The following VPS13C variants were observed in gnomAD, a reference collection of about 807,000 sequenced individuals.
The protein encoded by VPS13C is intermembrane lipid transfer protein VPS13C.
Under a neutral mutation model 456.8 loss-of-function variants are expected in VPS13C, and 358 were observed. The ratio of observed to expected loss-of-function variants is 0.78; its 90% CI spans 0.72 to 0.86. The LOEUF is 0.86. VPS13C is among the 40% of genes least tolerant of loss of function. The pLI is 0.00. For missense variants in VPS13C, 4,818 were observed against 4,385.4 expected, an observed-to-expected ratio of 1.10 and a Z score of -2.79; for synonymous variants, 1,578 against 1,486.7, an observed-to-expected ratio of 1.06 and a Z score of -1.41.
At chr15:62,057,055 T>G (rs1444711242) in intron 1 of VPS13C, among the ~76,000 whole-genome samples, 2 of 152,100 alleles carry the variant, frequency 1.3e-5, no homozygotes, top group African/African-American at 4.8e-5. Context: ...CAGCTGTCTT[T>G]TCTTTTATCT....
chr15:62,025,892 A>G (rs754954971), intron 6 of VPS13C, among the ~76,000 whole-genome samples: 26 of 151,758 alleles, frequency 1.7e-4, no homozygotes, highest in South Asian at 4.2e-4. Flanking sequence ...GAAAAAAGAC[A>G]TTCATTTAAA....
chr15:61,952,019 C>T (rs763211649), intron 38 of VPS13C, 39 bp from the exon 39 acceptor site: 4 of 1,590,554 alleles, frequency 2.5e-6, no homozygotes, highest in South Asian at 2.3e-5. Context: ...ACTATTTCAC[C>T]AATATGCAAT....
At chr15:62,039,223 T>C (rs1342049892) in intron 3 of VPS13C, among the ~76,000 whole-genome samples, 5 of 152,198 alleles carry the variant, frequency 3.3e-5, no homozygotes, top group Admixed American at 2.6e-4. Flanking sequence ...GAAAATGTGA[T>C]ACATATATAC....
intron 77 of VPS13C, among the ~76,000 whole-genome samples, chr15:61,874,195 G>A (rs1303568246): frequency 6.6e-6 from 1 of 152,010 alleles, no homozygotes; most frequent in Non-Finnish European, 1.5e-5. Flanking sequence ...GGGGAGGAGA[G>A]GATAGGGAGA....
rs775364442 is a variant in VPS13C at position 61,940,668 on chromosome 15, T to A, written c.5580A>T (p.Lys1860Asn). 1 of 1,613,494 alleles carries A rather than the reference T, an allele frequency of 6.2e-7. No homozygotes were observed. The highest frequency in any genetic ancestry group is 1.7e-5 in the Admixed American group (1 of 60,014). Residue 1860 changes from lysine (K) to asparagine (N), a missense_variant, in exon 47 of 85, where the codon AAA becomes AAT. Around this residue, in one of 3 missense-constraint regions of VPS13C, gnomAD observed 4,552 missense variants for 4,130.6 expected, o/e 1.10. Transcript: ENST00000644861. ...TTACCTGCATAGGTTTTAGTTTTCC[T>A]TTTATCTCCATCCCTGGAATTTGCA... ...WYVQIPGMEI[K>N]GKLKPMQVAL...
At position 62,023,356 on chromosome 15, in the gene VPS13C, A is replaced by G. The variant is rs578145652; in HGVS notation, c.624+55T>C. ...AGATAATCCACATATAGAAAAGTCA[A>G]GAATATTATAAAATACATATTTAAT... On this transcript the variant is annotated intron_variant, in intron 8 of 84. Transcript: ENST00000644861. 7.1e-6 allele frequency: 8 copies of G among 1,127,140 alleles called. No individual in the cohort carries two copies. In the Admixed American group the frequency reaches 9.9e-5, roughly 14 times the overall value. The allele number at this position is 1,127,140 out of a possible 1,614,324, so 69.8% of individuals were successfully genotyped here. A position where few individuals can be genotyped will look rare whatever the true frequency, so the allele number is the denominator to read the frequency against.
In VPS13C at chr15:61,990,161, T is replaced by A. The variant is rs138467731; in HGVS notation, c.1578+839A>T. Among the ~76,000 whole-genome samples, 90 of 151,986 alleles carry A rather than the reference T, an allele frequency of 5.9e-4. 3 individuals are homozygous for A. The East Asian group carries it at 0.014, about 24-fold the overall frequency. On this transcript the variant is annotated intron_variant, in intron 18 of 84. Transcript: ENST00000644861. The stretch of plus-strand genomic sequence containing the variant: ...TTTTATAAGGCCATTTATAGAAAGA[T>A]TAAAAATATGCAAAACAAAATAACA...
At chr15:62,037,262 T>TATATTATATAATATATTTATATATAA (rs2048050955) in intron 3 of VPS13C, among the ~76,000 whole-genome samples, 2 of 25,968 alleles carry the variant, frequency 7.7e-5, no homozygotes, top group African/African-American at 3.1e-4. Context: ...TTTATATATA[T>TATATTATATAATATATTTATATATAA]TATATTATAT....
chr15:61,883,135 G>T (rs1373821747), intron 68 of VPS13C, among the ~76,000 whole-genome samples: 5 of 151,362 alleles, frequency 3.3e-5, no homozygotes, highest in Non-Finnish European at 7.4e-5. Flanking sequence ...TGATACTCCT[G>T]CCTCAGCCTC....
chr15:61,955,429 A>C (rs1159307550), intron 37 of VPS13C, among the ~76,000 whole-genome samples: 1 of 152,132 alleles, frequency 6.6e-6, no homozygotes, highest in Non-Finnish European at 1.5e-5. Flanking sequence ...AGTTATTACC[A>C]TTATTGCGGT....
chr15:61,907,462 G>C, intron 65 of VPS13C, 72 bp from the exon 66 acceptor site: 1 of 1,556,238 alleles, frequency 6.4e-7, no homozygotes. Context: ...AGTTTACTGA[G>C]GAAGGGATTA....
At chr15:61,934,817 C>A (rs945944346) in intron 48 of VPS13C, among the ~76,000 whole-genome samples, 1 of 152,182 alleles carries the variant, frequency 6.6e-6, no homozygotes, top group African/African-American at 2.4e-5. Context: ...GTGGCACGAT[C>A]TCAGCTCACT....
At position 61,980,754 on chromosome 15, in the gene VPS13C, G is replaced by A. The variant is rs564649416; in HGVS notation, c.2166+588C>T. ...CAATCCTTGAGAGATGGACTAAATG[G>A]CTGGTATCATCACTTACAAAAGTGT... On this transcript the variant is annotated intron_variant, in intron 22 of 84. Coordinates refer to ENST00000644861, the MANE Select transcript of VPS13C (RefSeq NM_020821.3). 5.9e-5 allele frequency among the ~76,000 whole-genome samples: 9 copies of A among 152,216 alleles called. No individual in the cohort carries two copies. The South Asian group carries it at 1.9e-3, about 32-fold the overall frequency.
chr15:62,023,941 A>G, intron 6 of VPS13C, 96 bp from the exon 7 acceptor site: 1 of 1,115,538 alleles, frequency 9.0e-7, no homozygotes, highest in Non-Finnish European at 1.3e-6. Context: ...CCTAACAGCA[A>G]ATTTTGGCAC....
At chr15:61,966,397 T>G (rs947550178) in intron 29 of VPS13C, among the ~76,000 whole-genome samples, 5 of 151,942 alleles carry the variant, frequency 3.3e-5, no homozygotes, top group Admixed American at 1.3e-4. Flanking sequence ...AATGACAAAC[T>G]CTGAAGGTTG....
At chr15:61,893,532 AT>A (rs1312832009) in intron 66 of VPS13C, among the ~76,000 whole-genome samples, 2 of 152,074 alleles carry the variant, frequency 1.3e-5, no homozygotes, top group East Asian at 1.9e-4. Flanking sequence ...TGAAAAAAAA[AT>A]TTGGAGGCAT....
At chr15:61,885,888 G>A (rs1391553033) in intron 67 of VPS13C, among the ~76,000 whole-genome samples, 1 of 152,176 alleles carries the variant, frequency 6.6e-6, no homozygotes, top group Non-Finnish European at 1.5e-5. Flanking sequence ...TTCAGACTCC[G>A]TGCTGACTTC....
intron 1 of VPS13C, among the ~76,000 whole-genome samples, chr15:62,045,856 A>G (rs1490100979): frequency 1.3e-5 from 2 of 152,180 alleles, no homozygotes; most frequent in South Asian, 2.1e-4. Flanking sequence ...ATAAACAAAA[A>G]AAAGTAGAAA....
At chr15:61,963,796 T>C in intron 32 of VPS13C, 39 bp downstream of exon 32, 5 of 1,441,726 alleles carry the variant, frequency 3.5e-6, no homozygotes, top group Non-Finnish European at 4.9e-6. Flanking sequence ...AGGAAAAGTT[T>C]ATCTTTTCGC....
Sources: allele counts gnomAD v4.1 joint callset (sites outside exome capture counted in the v4.1 genomes callset), GRCh38; gene constraint gnomAD v4.1.1; regional missense constraint gnomAD v4.1.1; transcripts MANE v1.5; gene names NCBI Gene and HGNC (gene_info 2026-07-23, HGNC 2026-07-21).